The following MCM10 variants were observed in gnomAD, a reference collection of about 807,000 sequenced individuals.
MCM10 encodes the protein minichromosome maintenance 10 replication initiation factor.
In MCM10, 91 loss-of-function variants were observed where a neutral mutation model predicts 109.9. That is an observed-to-expected ratio of 0.83 (90% CI 0.70 to 0.99). The LOEUF (loss-of-function observed/expected upper bound fraction) is 0.99. Ranked by LOEUF, MCM10 falls within the 50% of genes least tolerant of loss-of-function variation. MCM10 has a pLI of 0.00. For missense variants in MCM10, 1,077 were observed against 1,061.2 expected (o/e 1.01, Z -0.21); for synonymous variants, 380 against 387.2 (o/e 0.98, Z 0.22).
Position 13,182,488 on chromosome 10 carries a change from T to A in MCM10, c.931-445T>A, listed in dbSNP as rs924875641. On this transcript the variant is annotated intron_variant, in intron 7 of 19. Coordinates refer to ENST00000378714, the MANE Select transcript of MCM10 (RefSeq NM_018518.5). This position sits in a 1 kb window ranked among gnomAD's most constrained non-coding sequence, Gnocchi z 4.2. ...AAGACTCTGTCTCTAAAAATAATAA[T>A]CATCATATAATTAACCAATGATATG... Among the ~76,000 whole-genome samples the A allele has an allele frequency of 1.3e-5, 2 of 151,972 alleles. No individual in the cohort carries two copies. Among genetic ancestry groups the A allele is most frequent in the Non-Finnish European group, 2.9e-5 (2 of 68,000 alleles).
At chr10:13,190,545 C>T (rs1834334230) in intron 10 of MCM10, among the ~76,000 whole-genome samples, 1 of 151,902 alleles carries the variant, frequency 6.6e-6, no homozygotes. Flanking sequence ...ATTAGCTGGG[C>T]ATGGTGGCAC....
rs200819884 is a variant in MCM10, at chr10:13,198,660, G to A, written c.2120-29G>A. 2,937 of 1,461,874 alleles carry A rather than the reference G, an allele frequency of 2.0e-3. 2 individuals carry two copies. Among genetic ancestry groups the A allele is most frequent in the Non-Finnish European group, 2.2e-3 (2,250 of 1,042,668 alleles). The allele number at this position is 1,461,874 out of a possible 1,614,324, so 90.6% of individuals were successfully genotyped here. On this transcript the variant is annotated intron_variant, in intron 15 of 19. Coordinates refer to ENST00000378714, the MANE Select transcript of MCM10 (RefSeq NM_018518.5). ...ACTGGCTTTCTGAAATTTCTTGGTC[G>A]CTGCTAATGTTTGTTCCTTGTGCCC...
chr10:13,197,277 C>A (rs1041865777), intron 14 of MCM10, among the ~76,000 whole-genome samples: 1 of 152,186 alleles, frequency 6.6e-6, no homozygotes, highest in South Asian at 2.1e-4. Flanking sequence ...CAAGCTAGTC[C>A]GTGGCAGAGC....
At chr10:13,188,683 T>C (rs893048377) in intron 9 of MCM10, among the ~76,000 whole-genome samples, 198 bp from the exon 10 acceptor site, 1 of 152,186 alleles carries the variant, frequency 6.6e-6, no homozygotes, top group Admixed American at 6.5e-5. Context: ...GAACAGTGCT[T>C]TCAGGGGACT....
chr10:13,203,182 A>C lies in MCM10; in HGVS notation c.2353-1037A>C, dbSNP rs530559017. ...TTTATTATCTCTTATGTAGGTCAGA[A>C]GTCTGTAGGGCTACAATCAGGGTGT... On this transcript the variant is annotated intron_variant, in intron 17 of 19. Transcript: ENST00000378714. Among the ~76,000 whole-genome samples the C allele has an allele frequency of 1.4e-3, 216 of 152,200 alleles. 1 individual carries two copies. Among genetic ancestry groups the C allele is most frequent in the Admixed American group, 6.1e-3 (94 of 15,286 alleles).
In MCM10 at chr10:13,172,802, G is replaced by T; in HGVS notation, c.592+37G>T. 1 of 1,604,582 alleles carries T rather than the reference G, an allele frequency of 6.2e-7. No homozygotes were observed. The highest frequency in any genetic ancestry group is 8.5e-7 in the Non-Finnish European group (1 of 1,172,758). ...GCGGTCTCAGTATCTTGGCACTATT[G>T]TATGTGTTTATGTGTGTGGGGGTGT... On this transcript the variant is annotated intron_variant, in intron 5 of 19. Transcript: ENST00000378714. This position sits in a 1 kb window ranked among gnomAD's most constrained non-coding sequence, Gnocchi z 5.2.
chr10:13,164,051 T>G, intron 1 of MCM10, 77 bp from the exon 2 acceptor site: 4 of 533,810 alleles, frequency 7.5e-6, no homozygotes, highest in East Asian at 3.5e-5. Context: ...AGTGGTAGGA[T>G]TCTGGGTTTG....
Position 13,189,093 on chromosome 10 carries a change from C to A in MCM10, c.1415+13C>A. The A allele has an allele frequency of 6.2e-7, 1 of 1,614,022 alleles. No homozygotes were observed. On this transcript the variant is annotated intron_variant, in intron 10 of 19. Coordinates refer to ENST00000378714, the MANE Select transcript of MCM10 (RefSeq NM_018518.5). ...ATGCAGCTTCAATGTAAGACGTTCTCGGGCTTCTTTTGGGCAGAGGATTTT... is the reference window on the plus strand; with the variant it reads ...ATGCAGCTTCAATGTAAGACGTTCTAGGGCTTCTTTTGGGCAGAGGATTTT...
In MCM10 at chr10:13,170,984, T is replaced by G; in HGVS notation, c.70T>G (p.Cys24Gly). ...GGAAGAAAATGAGTCAGCCTTGGAT[T>G]GTAATTCAGAAGAAAATAACTTCTT... The part of the protein sequence containing the change: ...LLEENESALD[C>G]NSEENNFLTR... The change falls in exon 3 of 20, where the codon TGT becomes GGT. Residue 24 changes from cysteine to glycine, a missense_variant. Physicochemically the swap from Cys to Gly is radical, Grantham distance 159. Coordinates refer to ENST00000378714, the MANE Select transcript of MCM10 (RefSeq NM_018518.5). 1 of 1,614,232 alleles carries G rather than the reference T, an allele frequency of 6.2e-7. No homozygotes were observed. The highest frequency in any genetic ancestry group is 8.5e-7 in the Non-Finnish European group (1 of 1,180,040).
rs202189412 is a variant in MCM10, at chr10:13,204,249, A to G, written c.2383A>G (p.Thr795Ala). ...CAYTHFKLLE[T>A]CVSEQHEYHW... ...CTATACCCACTTCAAGCTGCTGGAG[A>G]CCTGCGTCAGTGAGCAGCATGAATA... The change falls in exon 18 of 20, where the codon ACC (threonine) becomes GCC (alanine). Residue 795 changes from threonine to alanine, a missense_variant. Thr to Ala is a moderately conservative substitution (Grantham distance 58). Transcript: ENST00000378714. 9 of 1,614,056 alleles carry G rather than the reference A, an allele frequency of 5.6e-6. No individual in the cohort carries two copies. The highest frequency in any genetic ancestry group is 1.1e-5 in the South Asian group (1 of 91,076).
rs117127628 is a variant in MCM10, at chr10:13,166,771, C to T, written c.7+2562C>T. Among the ~76,000 whole-genome samples, 785 of 149,810 alleles carry T rather than the reference C, an allele frequency of 5.2e-3. 8 individuals are homozygous for T. Among genetic ancestry groups the T allele is most frequent in the African/African-American group, 0.016 (652 of 40,362 alleles). On this transcript the variant is annotated intron_variant, in intron 2 of 19. Transcript: ENST00000378714. ...GTGAAGTGGTCAGAGCCTGGGAAAG[C>T]GAATGAATTGAGGAAGTGTGGGAAT...
At position 13,172,997 on chromosome 10, in the gene MCM10, C is replaced by G. The variant is rs996946726; in HGVS notation, c.592+232C>G. On this transcript the variant is annotated intron_variant, in intron 5 of 19. Transcript: ENST00000378714. This position sits in a 1 kb window ranked among gnomAD's most constrained non-coding sequence, Gnocchi z 5.2. ...CACGCGGCAGGAAGATTGCTTGATC[C>G]TAGGAGTTTGAGGCCAGGCTGGGTA... Among the ~76,000 whole-genome samples the G allele has an allele frequency of 5.9e-5, 9 of 152,212 alleles. No homozygotes were observed. Among genetic ancestry groups the G allele is most frequent in the African/African-American group, 2.2e-4 (9 of 41,542 alleles).
chr10:13,204,965 A>G (rs953841197), intron 18 of MCM10, among the ~76,000 whole-genome samples: 17 of 139,588 alleles, frequency 1.2e-4, no homozygotes, highest in Admixed American at 1.2e-3. Flanking sequence ...TTTTTATTGT[A>G]TTTTTTATTG....
chr10:13,201,478 G>A lies in MCM10; in HGVS notation c.2296G>A (p.Glu766Lys). The A allele has an allele frequency of 1.2e-6, 2 of 1,613,332 alleles. No individual in the cohort carries two copies. Among genetic ancestry groups the A allele is most frequent in the Non-Finnish European group, 1.7e-6 (2 of 1,179,666 alleles). ...FEPLVKKEQMEEKMRNIREVK... is the reference protein window; with the variant it reads ...FEPLVKKEQMKEKMRNIREVK... Reference sequence around the variant, plus strand: ...GCCACTGGTGAAAAAAGAACAAATGGAAGAAAAGATGAGAAACATCAGAGA... The same window carrying A: ...GCCACTGGTGAAAAAAGAACAAATGAAAGAAAAGATGAGAAACATCAGAGA... Residue 766 changes from glutamate to lysine, a missense_variant, in exon 17 of 20, where the codon GAA becomes AAA. Transcript: ENST00000378714.
At chr10:13,200,989 C>T (rs1158842603) in intron 16 of MCM10, among the ~76,000 whole-genome samples, 2 of 151,954 alleles carry the variant, frequency 1.3e-5, no homozygotes, top group Non-Finnish European at 2.9e-5. Context: ...TACTGAAAAT[C>T]CAAAAATTTA....
chr10:13,182,984 T>C lies in MCM10; in HGVS notation c.982T>C (p.Cys328Arg). Residue 328 changes from cysteine to arginine, a missense_variant, in exon 8 of 20, where the codon TGT becomes CGT. Cys to Arg is a radical substitution (Grantham distance 180). Coordinates refer to ENST00000378714, the MANE Select transcript of MCM10 (RefSeq NM_018518.5). The surrounding 1 kb of genome is among the most constrained non-coding windows in gnomAD (Gnocchi z 4.2). Reference protein sequence around the residue: ...KLNDLRDLTQCVSLFLFGEVH... With the variant: ...KLNDLRDLTQRVSLFLFGEVH... ...GAATGATCTTCGTGACCTGACACAA[T>C]GTGTGTCCTTGTTCTTATTTGGAGA... 5 of 1,614,008 alleles carry C rather than the reference T, an allele frequency of 3.1e-6. No homozygotes were observed. The highest frequency in any genetic ancestry group is 2.2e-5 in the East Asian group (1 of 44,880).
At chr10:13,171,948 T>C (rs28715459) in intron 3 of MCM10, among the ~76,000 whole-genome samples, 1 of 151,858 alleles carries the variant, frequency 6.6e-6, no homozygotes, top group Non-Finnish European at 1.5e-5. Context: ...TTATTTTTTT[T>C]ATTTTTTGTA....
intron 2 of MCM10, among the ~76,000 whole-genome samples, chr10:13,166,784 G>A (rs886716075): frequency 7.9e-5 from 12 of 151,474 alleles, no homozygotes; most frequent in African/African-American, 2.7e-4. Flanking sequence ...ATGAATTGAG[G>A]AAGTGTGGGA....
At chr10:13,178,909 A>G (rs1834174892) in intron 6 of MCM10, among the ~76,000 whole-genome samples, 1 of 152,184 alleles carries the variant, frequency 6.6e-6, no homozygotes, top group Non-Finnish European at 1.5e-5. Flanking sequence ...TTTTTATTGT[A>G]GAGATCTTTC....
Sources: gnomAD v4.1 joint callset for allele counts (sites outside exome capture counted in the v4.1 genomes callset) on GRCh38, gnomAD v4.1.1 for gene constraint, Gnocchi (gnomAD v3.1) non-coding constraint, MANE v1.5 for transcripts, NCBI Gene and HGNC (gene_info 2026-07-23, HGNC 2026-07-21) for gene names.